LGR6: variants seen among roughly 807,000 people sequenced by gnomAD.
LGR6 encodes the protein leucine-rich repeat-containing G protein-coupled receptor 6.
LGR6 carries 45 observed loss-of-function variants against 69.4 expected under a neutral mutation model. The ratio of observed to expected loss-of-function variants is 0.65; its 90% CI spans 0.51 to 0.83. LGR6 has a LOEUF of 0.83. Ranked by LOEUF, LGR6 falls within the 40% of genes least tolerant of loss-of-function variation. The pLI, the probability that LGR6 is intolerant of heterozygous loss-of-function variation, is 0.00. For synonymous variants in LGR6, 538 were observed against 555.0 expected (o/e 0.97, Z 0.43); for missense variants, 1,108 against 1,246.7 (o/e 0.89, Z 1.68).
intron 1 of LGR6, among the ~76,000 whole-genome samples, chr1:202,204,342 CCACA>C (rs1387410026): frequency 1.5e-5 from 2 of 131,224 alleles, no homozygotes; most frequent in Admixed American, 7.7e-5. Flanking sequence ...ACACACACCT[CCACA>C]CACACACACC....
At chr1:202,275,795 G>T (rs1465441409) in intron 4 of LGR6, among the ~76,000 whole-genome samples, 2 of 152,116 alleles carry the variant, frequency 1.3e-5, no homozygotes, top group African/African-American at 4.8e-5. Context: ...TCCATTATAT[G>T]GTCTTGGACT....
intron 1 of LGR6, chr1:202,214,154 A>G: frequency 6.6e-7 from 1 of 1,506,392 alleles, no homozygotes; most frequent in South Asian, 1.3e-5. Flanking sequence ...CAGGGGCCGG[A>G]ATGCGCTTGG....
chr1:202,305,564 G>A (rs938557903), intron 11 of LGR6, 120 bp from the exon 12 acceptor site: 3 of 795,216 alleles, frequency 3.8e-6, no homozygotes, highest in Admixed American at 1.9e-5. Context: ...TCCCTGTGGG[G>A]TCCCCACAGC....
chr1:202,198,388 C>T (rs1658715593), intron 1 of LGR6, among the ~76,000 whole-genome samples: 2 of 152,190 alleles, frequency 1.3e-5, no homozygotes, highest in South Asian at 2.1e-4. Flanking sequence ...TGTGGATTCA[C>T]TTAGATGATG....
intron 6 of LGR6, among the ~76,000 whole-genome samples, chr1:202,289,709 T>C (rs705756): frequency 8.5e-5 from 13 of 152,338 alleles, no homozygotes; most frequent in South Asian, 4.1e-4. Context: ...CACCCAGTCA[T>C]CTGCCCCAAG....
chr1:202,316,947 G>A (rs1191088457), intron 17 of LGR6, among the ~76,000 whole-genome samples: 1 of 152,190 alleles, frequency 6.6e-6, no homozygotes, highest in Non-Finnish European at 1.5e-5. Context: ...GAAAACCCCA[G>A]AAGTCATCTG....
At chr1:202,253,822 T>TG (rs1663509122) in intron 4 of LGR6, among the ~76,000 whole-genome samples, 1 of 77,236 alleles carries the variant, frequency 1.3e-5, no homozygotes, top group African/African-American at 4.1e-5. Context: ...TTTTTTTTTT[T>TG]TGAGACGGAG....
chr1:202,267,754 A>G (rs1425212979), intron 4 of LGR6, among the ~76,000 whole-genome samples: 2 of 152,242 alleles, frequency 1.3e-5, no homozygotes, highest in African/African-American at 4.8e-5. Context: ...AGCAAAGTAT[A>G]TAGTCTAAGA....
At chr1:202,243,843 A>G (rs552229143) in intron 4 of LGR6, among the ~76,000 whole-genome samples, 5 of 152,304 alleles carry the variant, frequency 3.3e-5, no homozygotes, top group Non-Finnish European at 7.4e-5. Context: ...GCACTGAGGA[A>G]AGGAGGAAGA....
Position 202,207,995 on chromosome 1 carries a change from T to C in LGR6, c.212+13794T>C, listed in dbSNP as rs113979175. On this transcript the variant is annotated intron_variant, in intron 1 of 17. Transcript: ENST00000367278. ...CTTAGTAACGCCCCAAGTGAGCGCC[T>C]GGACTTGGGAAATCCTACCACTGAC... Among the ~76,000 whole-genome samples, 989 of 152,304 alleles carry C rather than the reference T, an allele frequency of 6.5e-3. 16 individuals are homozygous for C. The highest frequency in any genetic ancestry group is 0.022 in the African/African-American group (926 of 41,560).
At chr1:202,204,653 A>AAACACACACACG (rs1659017615) in intron 1 of LGR6, among the ~76,000 whole-genome samples, 1 of 33,428 alleles carries the variant, frequency 3.0e-5, no homozygotes, top group Non-Finnish European at 5.6e-5. Flanking sequence ...ACACACACAC[A>AAACACACACACG]CCTCCAAACA....
intron 5 of LGR6, among the ~76,000 whole-genome samples, chr1:202,279,043 G>A (rs146257069): frequency 3.2e-4 from 48 of 152,326 alleles, no homozygotes; most frequent in African/African-American, 1.1e-3. Flanking sequence ...GGAATTGGAG[G>A]CCTGGAGCTG....
intron 4 of LGR6, among the ~76,000 whole-genome samples, chr1:202,265,565 G>A (rs1664579797): frequency 6.6e-6 from 1 of 152,206 alleles, no homozygotes; most frequent in Non-Finnish European, 1.5e-5. Context: ...CTTCTCCCAA[G>A]AGGACAAGGG....
intron 6 of LGR6, among the ~76,000 whole-genome samples, chr1:202,289,816 C>T (rs1241643439): frequency 6.6e-6 from 1 of 152,278 alleles, no homozygotes; most frequent in African/African-American, 2.4e-5. Flanking sequence ...TGTTCCAGGC[C>T]TTTGGGAGAT....
At chr1:202,317,877 A>G (rs1654265517) in intron 17 of LGR6, 75 bp from the exon 18 acceptor site, 2 of 1,386,464 alleles carry the variant, frequency 1.4e-6, no homozygotes, top group Non-Finnish European at 2.0e-6. Flanking sequence ...CTCTGAATAC[A>G]GAGGCTGACC....
chr1:202,252,735 G>T (rs1034594691), intron 4 of LGR6, among the ~76,000 whole-genome samples: 1 of 152,260 alleles, frequency 6.6e-6, no homozygotes, highest in Non-Finnish European at 1.5e-5. Flanking sequence ...TTTGGCAGGT[G>T]TGAAAAGTTT....
At chr1:202,206,352 G>C (rs1659231040) in intron 1 of LGR6, among the ~76,000 whole-genome samples, 8 of 152,196 alleles carry the variant, frequency 5.3e-5, no homozygotes, top group Admixed American at 5.2e-4. Context: ...GGACCCAAAG[G>C]AGTCAGAGCC....
chr1:202,306,748 C>G lies in LGR6; in HGVS notation c.1137-120C>G, dbSNP rs562427421. On this transcript the variant is annotated intron_variant, in intron 12 of 17. Coordinates refer to ENST00000367278, the MANE Select transcript of LGR6 (RefSeq NM_001017403.2). ...TCTGGTGACTTCCTCGGGCTGGGCC[C>G]TTTCTTCCTGTGCCAGGAGAAGTGG... 3.1e-4 allele frequency: 294 copies of G among 936,992 alleles called. 1 individual carries two copies. The African/African-American group carries it at 3.8e-3, about 12-fold the overall frequency. 58.0% of individuals were successfully genotyped at this position (936,992 alleles called of 1,614,324 possible). A position where few individuals can be genotyped will look rare whatever the true frequency, so the allele number is the denominator to read the frequency against.
At chr1:202,211,450 C>A (rs1659459720) in intron 1 of LGR6, among the ~76,000 whole-genome samples, 1 of 152,054 alleles carries the variant, frequency 6.6e-6, no homozygotes, top group Non-Finnish European at 1.5e-5. Flanking sequence ...GCCTCCCAGC[C>A]CCCCAGGTTC....
Sources: gnomAD v4.1 joint callset for allele counts (sites outside exome capture counted in the v4.1 genomes callset) on GRCh38, gnomAD v4.1.1 for gene constraint, MANE v1.5 for transcripts, NCBI Gene and HGNC (gene_info 2026-07-23, HGNC 2026-07-21) for gene names.